Variants in UNC79 observed in about 807,000 individuals in gnomAD.
UNC79 encodes protein unc-79 homolog.
A neutral mutation model predicts 283.1 loss-of-function variants in UNC79; 37 were observed. The observed-to-expected ratio is 0.13, with a 90% CI of 0.10 to 0.17. UNC79 has a LOEUF of 0.17. Ranked by LOEUF, UNC79 falls within the 10% of genes least tolerant of loss-of-function variation. The pLI is 1.00. For synonymous variants in UNC79, 1,107 were observed against 1,200.2 expected (o/e 0.92, Z 1.61); for missense variants, 2,272 against 3,211.1 (o/e 0.71, Z 7.07).
chr14:93,683,405 G>T (rs1009786393), intron 42 of UNC79, among the ~76,000 whole-genome samples: 1 of 151,974 alleles, frequency 6.6e-6, no homozygotes, highest in Non-Finnish European at 1.5e-5. Context: ...AAAGTGTGTG[G>T]TTTTTTTCCT....
intron 1 of UNC79, among the ~76,000 whole-genome samples, chr14:93,366,483 G>A (rs2054336511): frequency 6.6e-6 from 1 of 151,854 alleles, no homozygotes; most frequent in East Asian, 1.9e-4. Context: ...TATATATTTA[G>A]GGTTGAGGCG....
chr14:93,335,693 T>A (rs562833800), intron 1 of UNC79, among the ~76,000 whole-genome samples: 1 of 152,294 alleles, frequency 6.6e-6, no homozygotes, highest in South Asian at 2.1e-4. Context: ...TGTTTGCCAA[T>A]GAGGAGAAAG....
intron 29 of UNC79, 94 bp downstream of exon 30, chr14:93,618,448 T>C (rs972938866): frequency 7.9e-7 from 1 of 1,269,704 alleles, no homozygotes; most frequent in Non-Finnish European, 1.0e-6. Flanking sequence ...TTCCCAGATA[T>C]CATTCTGGAG....
At chr14:93,346,123 C>A (rs2053822663) in intron 1 of UNC79, among the ~76,000 whole-genome samples, 1 of 151,904 alleles carries the variant, frequency 6.6e-6, no homozygotes, top group Non-Finnish European at 1.5e-5. Context: ...GGAACTTTAT[C>A]ACCTACAAAC....
chr14:93,671,905 C>G (rs2072903194), intron 40 of UNC79, among the ~76,000 whole-genome samples: 1 of 152,052 alleles, frequency 6.6e-6, no homozygotes. Context: ...AGAAGACATA[C>G]AAATGGCCAA....
intron 1 of UNC79, among the ~76,000 whole-genome samples, chr14:93,340,277 C>T (rs191276498): frequency 2.5e-4 from 38 of 152,110 alleles, no homozygotes; most frequent in African/African-American, 9.2e-4. Flanking sequence ...GCCATCTCTA[C>T]TAAAAATATA....
At chr14:93,497,622 A>C (rs2059072591) in intron 7 of UNC79, among the ~76,000 whole-genome samples, 1 of 152,178 alleles carries the variant, frequency 6.6e-6, no homozygotes. Context: ...AGAAACCCCA[A>C]CTAGCAGATT....
intron 1 of UNC79, among the ~76,000 whole-genome samples, chr14:93,374,338 C>G (rs2054513050): frequency 6.6e-6 from 1 of 152,206 alleles, no homozygotes; most frequent in African/African-American, 2.4e-5. Context: ...GCATTGGGGG[C>G]TCAACCTTGC....
chr14:93,367,026 T>G (rs1394993193), intron 1 of UNC79, among the ~76,000 whole-genome samples: 2 of 152,178 alleles, frequency 1.3e-5, no homozygotes, highest in Non-Finnish European at 2.9e-5. Context: ...ACATCTATTT[T>G]TTTCCCACAG....
At chr14:93,576,009 T>A (rs867714000) in intron 17 of UNC79, among the ~76,000 whole-genome samples, 1 of 152,268 alleles carries the variant, frequency 6.6e-6, no homozygotes. Context: ...GTCATCTTCC[T>A]GATAGGAGCC....
At chr14:93,396,997 A>G (rs2055012320) in intron 1 of UNC79, 1 of 152,116 alleles carries the variant, frequency 6.6e-6, no homozygotes, top group African/African-American at 2.4e-5. Context: ...GTTCCTAGGA[A>G]TATTTCAAAA....
chr14:93,447,153 C>G (rs1378457108), intron 1 of UNC79, among the ~76,000 whole-genome samples: 1 of 152,018 alleles, frequency 6.6e-6, no homozygotes, highest in Non-Finnish European at 1.5e-5. Flanking sequence ...ATATATTTTG[C>G]TTTGAAATGT....
intron 1 of UNC79, among the ~76,000 whole-genome samples, chr14:93,396,428 CA>C (rs201028585): frequency 0.011 from 1,725 of 152,106 alleles, 31 homozygotes; most frequent in African/African-American, 0.039. Context: ...TTCTTAGAGT[CA>C]GTTTCTGTTG....
rs76053368 is a variant in UNC79 at position 93,636,673 on chromosome 14, T to C, written c.5717-543T>C. 3.4e-3 allele frequency among the ~76,000 whole-genome samples: 512 copies of C among 152,282 alleles called. 1 individual carries two copies. The highest frequency in any genetic ancestry group is 0.012 in the African/African-American group (486 of 41,558). ...CTCCACCCATGCATGGCGCCATGAC[T>C]TACTGCTTTGCCTCATCTTTCATGT... On this transcript the variant is annotated intron_variant, in intron 31 of 48. Coordinates refer to ENST00000555664, the Ensembl canonical transcript of UNC79.
chr14:93,517,197 C>T (rs2060104494), intron 7 of UNC79, among the ~76,000 whole-genome samples: 1 of 150,718 alleles, frequency 6.6e-6, no homozygotes, highest in African/African-American at 2.4e-5. Context: ...CTCTCCACCC[C>T]TCTCTCCCTT....
At chr14:93,680,134 G>A (rs2073722802) in intron 41 of UNC79, among the ~76,000 whole-genome samples, 1 of 152,048 alleles carries the variant, frequency 6.6e-6, no homozygotes, top group South Asian at 2.1e-4. Context: ...GATTAATTCT[G>A]ACTAGTAAGA....
chr14:93,698,487 T>TTG (rs1373020556), intron 47 of UNC79, among the ~76,000 whole-genome samples: 2 of 105,834 alleles, frequency 1.9e-5, no homozygotes, highest in African/African-American at 8.5e-5. Context: ...TTTTTTTTTT[T>TTG]TTTTTTTTTT....
At chr14:93,587,022 G>C in intron 22 of UNC79, 114 bp downstream of exon 22, 1 of 1,276,794 alleles carries the variant, frequency 7.8e-7, no homozygotes, top group Non-Finnish European at 1.1e-6. Flanking sequence ...AGCCAGGACA[G>C]CTCGATTGCC....
intron 27 of UNC79, among the ~76,000 whole-genome samples, chr14:93,615,720 C>CAAAAAAAAAAAAAA (rs1158073507): frequency 3.0e-4 from 7 of 23,276 alleles, no homozygotes; most frequent in African/African-American, 5.1e-4. Flanking sequence ...GACTCCATCT[C>CAAAAAAAAAAAAAA]AAAAAAAAAA....
Sources: allele counts gnomAD v4.1 joint callset (sites outside exome capture counted in the v4.1 genomes callset), GRCh38; gene constraint gnomAD v4.1.1; transcripts MANE v1.5; gene names NCBI Gene and HGNC (gene_info 2026-07-23, HGNC 2026-07-21).